GAREM2: variants seen among roughly 807,000 people sequenced by gnomAD.
GAREM2 encodes the protein GRB2-associated and regulator of MAPK protein 2.
Under a neutral mutation model 55.6 loss-of-function variants are expected in GAREM2, and 30 were observed. That is an observed-to-expected ratio of 0.54 (90% confidence interval 0.40 to 0.73). The LOEUF is 0.73. GAREM2 is among the 30% of genes least tolerant of loss of function. The probability of loss-of-function intolerance (pLI) is 0.00; values close to 1 mark genes in which losing one functional copy is unlikely to be tolerated. For missense variants in GAREM2, 1,075 were observed against 1,257.7 expected (o/e 0.85, Z 2.20); for synonymous variants, 550 against 569.1 (o/e 0.97, Z 0.48).
At chr2:26,178,011 G>A (rs1001167089) in intron 2 of GAREM2, among the ~76,000 whole-genome samples, 34 of 152,214 alleles carry the variant, frequency 2.2e-4, no homozygotes, top group African/African-American at 8.2e-4. Flanking sequence ...CTTCTTCACA[G>A]GTACCCCTGC....
In GAREM2 at chr2:26,187,275, A is replaced by G; in HGVS notation, c.1643A>G (p.Tyr548Cys). ...AGTGGCTCCCCATCGCCGGACACCT[A>G]CTCCCTCTATTGCTACCCATGCACC... ...SGSGSPSPDTYSLYCYPCTWG... is the reference protein window; with the variant it reads ...SGSGSPSPDTCSLYCYPCTWG... The change falls in exon 6 of 6, where the codon TAC becomes TGC. Residue 548 changes from tyrosine to cysteine, a missense_variant. Tyr to Cys is a radical substitution (Grantham distance 194). Coordinates refer to ENST00000401533, the MANE Select transcript of GAREM2 (RefSeq NM_001168241.2). 1.4e-6 allele frequency: 2 copies of G among 1,464,140 alleles called. No individual in the cohort carries two copies. Among genetic ancestry groups the G allele is most frequent in the Non-Finnish European group, 1.8e-6 (2 of 1,103,346 alleles). 90.7% of individuals were successfully genotyped at this position (1,464,140 alleles called of 1,614,324 possible).
intron 5 of GAREM2, 93 bp downstream of exon 5, chr2:26,186,451 G>T (rs890160549): frequency 3.2e-6 from 4 of 1,233,478 alleles, no homozygotes; most frequent in Middle Eastern, 2.0e-4. Context: ...GGAAGAGGAA[G>T]TCTTGAGGCC....
intron 1 of GAREM2, among the ~76,000 whole-genome samples, chr2:26,174,415 C>G (rs1048352044): frequency 3.3e-5 from 5 of 152,354 alleles, no homozygotes; most frequent in African/African-American, 7.2e-5. Context: ...CCCACACATC[C>G]TTTTTGGCAT....
At chr2:26,193,307 T>TC (rs1181418501), downstream of GAREM2, among the ~76,000 whole-genome samples, 3 of 150,608 alleles carry the variant, frequency 2.0e-5, no homozygotes, top group African/African-American at 4.9e-5. Flanking sequence ...TTTTTTTTTT[T>TC]TTTTTGAGAA....
At chr2:26,182,401 G>C (rs1239935958) in intron 2 of GAREM2, 1 of 1,548,770 alleles carries the variant, frequency 6.5e-7, no homozygotes, top group Admixed American at 2.0e-5. Context: ...GGTTCTCCCA[G>C]GGCCTTCAAG....
the GAREM2 span, among the ~76,000 whole-genome samples, chr2:26,195,440 G>A: frequency 1.3e-5 from 2 of 152,040 alleles, no homozygotes; most frequent in African/African-American, 4.8e-5. Context: ...TCTTCCATTT[G>A]CTTCTAAGGT....
chr2:26,200,933 C>G, the GAREM2 span, among the ~76,000 whole-genome samples: 2 of 152,130 alleles, frequency 1.3e-5, no homozygotes, highest in Non-Finnish European at 2.9e-5. Context: ...GGGGTTTCAT[C>G]ATATCGGCCA....
Position 26,188,671 on chromosome 2 carries a change from A to T in GAREM2, c.*414A>T. On this transcript the variant is annotated 3_prime_UTR_variant, in exon 6 of 6. Transcript: ENST00000401533. ...CAAGAAGATGGCTGGTAATTTAAGCACCGATTTCCCAAGTGCCCACTCTCC... is the reference window on the plus strand; with the variant it reads ...CAAGAAGATGGCTGGTAATTTAAGCTCCGATTTCCCAAGTGCCCACTCTCC... 6.2e-6 allele frequency: 1 copy of T among 162,260 alleles called. No homozygotes were observed. The highest frequency in any genetic ancestry group is 1.3e-5 in the Non-Finnish European group (1 of 75,026). The allele number at this position is 162,260 out of a possible 1,614,324, so 10.1% of individuals were successfully genotyped here.
downstream of GAREM2, chr2:26,192,420 A>G (rs1331075824): frequency 5.9e-6 from 9 of 1,514,640 alleles, no homozygotes; most frequent in East Asian, 2.2e-5. Flanking sequence ...TCCCAGATTT[A>G]CGACCTAAAA....
At chr2:26,196,184 A>G in the GAREM2 span, among the ~76,000 whole-genome samples, 7 of 152,312 alleles carry the variant, frequency 4.6e-5, no homozygotes, top group East Asian at 3.9e-4. Flanking sequence ...GGTTAGTAGT[A>G]CAGAGTCAGT....
chr2:26,203,534 G>A, the GAREM2 span, among the ~76,000 whole-genome samples: 125,073 of 152,082 alleles, frequency 0.82, 51,786 homozygotes, highest in African/African-American at 0.93. Flanking sequence ...ACTGTGGAGG[G>A]ATCAGTTCAT....
At chr2:26,181,863 C>T in intron 2 of GAREM2, 1 of 240,990 alleles carries the variant, frequency 4.1e-6, no homozygotes, top group Non-Finnish European at 6.7e-6. Context: ...CCTGTGGTCC[C>T]AGGTACTTGA....
chr2:26,204,155 A>G, the GAREM2 span: 1 of 1,613,708 alleles, frequency 6.2e-7, no homozygotes, highest in African/African-American at 1.3e-5. Flanking sequence ...GACTTGGGCG[A>G]TGCCTGCTCC....
At position 26,187,823 on chromosome 2, in the gene GAREM2, G is replaced by A; in HGVS notation, c.2191G>A (p.Gly731Arg). The A allele has an allele frequency of 6.9e-7, 1 of 1,440,612 alleles. No homozygotes were observed. The highest frequency in any genetic ancestry group is 9.2e-7 in the Non-Finnish European group (1 of 1,092,006). The allele number at this position is 1,440,612 out of a possible 1,614,324, so 89.2% of individuals were successfully genotyped here. A position where few individuals can be genotyped will look rare whatever the true frequency, so the allele number is the denominator to read the frequency against. ...CAGAGCAGTGGGGACACCTGGGCCT[G>A]GACCCCGCCTTTCACCACTTGGCCC... ...EPRAVGTPGP[G>R]PRLSPLGPSK... The change falls in exon 6 of 6, where the codon GGA becomes AGA. Residue 731 changes from glycine (G) to arginine (R), a missense_variant. Around this residue, in one of 6 missense-constraint regions of GAREM2, gnomAD observed 15 missense variants for 31.0 expected, o/e 0.48. Transcript: ENST00000401533.
the GAREM2 span, among the ~76,000 whole-genome samples, chr2:26,198,369 GT>G: frequency 2.0e-5 from 3 of 146,956 alleles, no homozygotes; most frequent in Admixed American, 1.4e-4. Flanking sequence ...ACTTATTCAT[GT>G]TTTTTTTTTG....
chr2:26,203,140 A>G, the GAREM2 span, among the ~76,000 whole-genome samples: 1 of 152,366 alleles, frequency 6.6e-6, no homozygotes, highest in South Asian at 2.1e-4. Context: ...ATCTTCTACT[A>G]CAACTTGTTA....
At position 26,184,107 on chromosome 2, in the gene GAREM2, C is replaced by G. The variant is rs1669139681; in HGVS notation, c.385-126C>G. 2.1e-6 allele frequency: 3 copies of G among 1,400,276 alleles called. No homozygotes were observed. In the Admixed American group the frequency reaches 6.8e-5, roughly 32 times the overall value. The allele number at this position is 1,400,276 out of a possible 1,614,324, so 86.7% of individuals were successfully genotyped here. The stretch of plus-strand genomic sequence containing the variant: ...GGATGAACGTGGATCTCCTGGCCTA[C>G]CATCTAGTCCGAGCCCCGGGAGGGC... On this transcript the variant is annotated intron_variant, in intron 3 of 5. Coordinates refer to ENST00000401533, the MANE Select transcript of GAREM2 (RefSeq NM_001168241.2).
At chr2:26,191,696 C>G, downstream of GAREM2, 2 of 1,536,390 alleles carry the variant, frequency 1.3e-6, no homozygotes, top group Non-Finnish European at 1.8e-6. Flanking sequence ...GCCGCAGATG[C>G]AGAATGGAAG....
intron 3 of GAREM2, among the ~76,000 whole-genome samples, chr2:26,184,023 T>A (rs1558307461): frequency 2.0e-5 from 3 of 152,274 alleles, no homozygotes; most frequent in Non-Finnish European, 4.4e-5. Context: ...TCAGATATGG[T>A]CGCTAAGGCG....
Sources: allele counts gnomAD v4.1 joint callset (sites outside exome capture counted in the v4.1 genomes callset), GRCh38; gene constraint gnomAD v4.1.1; regional missense constraint gnomAD v4.1.1; transcripts MANE v1.5; gene names NCBI Gene and HGNC (gene_info 2026-07-23, HGNC 2026-07-21).